Variants in ICA1 observed in about 807,000 individuals in gnomAD.
The protein encoded by ICA1 is islet cell autoantigen 1.
In ICA1, 40 loss-of-function variants were observed where a neutral mutation model predicts 71.0. That is an observed-to-expected ratio of 0.56 (90% confidence interval 0.44 to 0.73). The LOEUF (loss-of-function observed/expected upper bound fraction) is 0.73. ICA1 is among the 30% of genes least tolerant of loss of function. ICA1 has a pLI of 0.00. For synonymous variants in ICA1, 207 were observed against 209.5 expected (o/e 0.99, Z 0.10); for missense variants, 578 against 576.5 (o/e 1.00, Z -0.03).
At chr7:8,120,547 G>T (rs1479499569) in intron 13 of ICA1, among the ~76,000 whole-genome samples, 2 of 152,130 alleles carry the variant, frequency 1.3e-5, no homozygotes, top group African/African-American at 4.8e-5. Flanking sequence ...GTTGGCTGAG[G>T]CATTTTTAAC....
chr7:8,175,719 G>A (rs60380049), intron 6 of ICA1, among the ~76,000 whole-genome samples: 18,092 of 152,082 alleles, frequency 0.12, 2,218 homozygotes, highest in African/African-American at 0.31. Context: ...AAAATCAAAC[G>A]GGGATTATGG....
intron 12 of ICA1, among the ~76,000 whole-genome samples, chr7:8,129,429 C>G (rs1204590196): frequency 4.0e-5 from 6 of 151,234 alleles, no homozygotes; most frequent in Non-Finnish European, 8.8e-5. Context: ...TTCAATCACA[C>G]TTTACATAAA....
rs555255699 is a variant in ICA1 at position 8,185,635 on chromosome 7, G to A, written c.580-26983C>T. On this transcript the variant is annotated intron_variant, in intron 6 of 13. Coordinates refer to ENST00000402384, the MANE Select transcript of ICA1 (RefSeq NM_001136020.3). ...AGAACCATCTGCCTGGAGTGAAAAGGTTAAGAGCATGCTCTTTGAAGTCAG... is the reference window on the plus strand; with the variant it reads ...AGAACCATCTGCCTGGAGTGAAAAGATTAAGAGCATGCTCTTTGAAGTCAG... 3.3e-5 allele frequency among the ~76,000 whole-genome samples: 5 copies of A among 152,306 alleles called. No individual in the cohort carries two copies. The East Asian group carries it at 9.6e-4, about 29-fold the overall frequency.
rs554113320 is a variant in ICA1 at position 8,133,470 on chromosome 7, C to A, written c.1061-5328G>T. Among the ~76,000 whole-genome samples the A allele has an allele frequency of 7.9e-5, 12 of 152,212 alleles. No homozygotes were observed. The South Asian group carries it at 2.5e-3, about 32-fold the overall frequency. Reference sequence around the variant, plus strand: ...GTAGAGATAGGGTTTTACTTTGTTGCCCTCTTGGTCTCAAGTGATCCTCCT... The same window carrying A: ...GTAGAGATAGGGTTTTACTTTGTTGACCTCTTGGTCTCAAGTGATCCTCCT... On this transcript the variant is annotated intron_variant, in intron 12 of 13. Transcript: ENST00000402384.
chr7:8,146,785 A>C, intron 8 of ICA1, among the ~76,000 whole-genome samples: 1 of 143,112 alleles, frequency 7.0e-6, no homozygotes, highest in Non-Finnish European at 1.5e-5. Flanking sequence ...TGCAGCCAGG[A>C]GGAAGGAGTT....
intron 12 of ICA1, among the ~76,000 whole-genome samples, chr7:8,136,556 C>T (rs1193782419): frequency 6.6e-6 from 1 of 152,116 alleles, no homozygotes; most frequent in African/African-American, 2.4e-5. Context: ...CCGACGCTAC[C>T]CTGTGGGTTG....
In ICA1 at chr7:8,176,748, T is replaced by TACC. The variant is rs558025603; in HGVS notation, c.580-18099_580-18097dup. Among the ~76,000 whole-genome samples, 141 of 152,272 alleles carry TACC rather than the reference T, an allele frequency of 9.3e-4. 1 individual carries two copies. The highest frequency in any genetic ancestry group is 1.5e-3 in the Non-Finnish European group (104 of 68,012). On this transcript the variant is annotated intron_variant, in intron 6 of 13. Transcript: ENST00000402384. The stretch of plus-strand genomic sequence containing the variant: ...TTTCTCAGATACCATCCCTCGTCCT[T>TACC]ACCACCACCACCACCACTTACTGAT...
At position 8,223,377 on chromosome 7, in the gene ICA1, G is replaced by A. The variant is rs984554555; in HGVS notation, c.257-1979C>T. ...CTCTTTCCTAAATAAACCTAAGTAGGCTGAAACATTTAAAAATAATTTTCG... is the reference window on the plus strand; with the variant it reads ...CTCTTTCCTAAATAAACCTAAGTAGACTGAAACATTTAAAAATAATTTTCG... On this transcript the variant is annotated intron_variant, in intron 4 of 13. Coordinates refer to ENST00000402384, the MANE Select transcript of ICA1 (RefSeq NM_001136020.3). This position sits in a 1 kb window ranked among gnomAD's most constrained non-coding sequence, Gnocchi z 4.1. The A allele has an allele frequency of 6.5e-6, 1 of 154,136 alleles. No individual in the cohort carries two copies. Among genetic ancestry groups the A allele is most frequent in the Non-Finnish European group, 1.5e-5 (1 of 68,048 alleles). 9.5% of individuals were successfully genotyped at this position (154,136 alleles called of 1,614,324 possible). A position where few individuals can be genotyped will look rare whatever the true frequency, so the allele number is the denominator to read the frequency against.
intron 3 of ICA1, among the ~76,000 whole-genome samples, chr7:8,230,925 T>C (rs945818488): frequency 6.6e-6 from 1 of 152,300 alleles, no homozygotes; most frequent in South Asian, 2.1e-4. Flanking sequence ...GTATTCTATG[T>C]GTGGCTGGGG....
intron 2 of ICA1, among the ~76,000 whole-genome samples, chr7:8,233,657 A>G (rs905041199): frequency 3.3e-5 from 5 of 152,026 alleles, no homozygotes; most frequent in Admixed American, 3.3e-4. Flanking sequence ...CAGCCTCCCA[A>G]ACTGCTGGGA....
chr7:8,245,499 G>A (rs1470695716), intron 1 of ICA1, among the ~76,000 whole-genome samples: 1 of 151,956 alleles, frequency 6.6e-6, no homozygotes, highest in Non-Finnish European at 1.5e-5. Flanking sequence ...CATGGCACAT[G>A]TATACTTATG....
chr7:8,212,324 G>A (rs898398652), intron 6 of ICA1, among the ~76,000 whole-genome samples: 1 of 152,172 alleles, frequency 6.6e-6, no homozygotes, highest in Admixed American at 6.5e-5. Context: ...CAGCACTTTG[G>A]GAGGCCAAGG....
chr7:8,142,926 C>T (rs1213957000), intron 9 of ICA1, among the ~76,000 whole-genome samples: 1 of 152,186 alleles, frequency 6.6e-6, no homozygotes, highest in Non-Finnish European at 1.5e-5. Context: ...TTATCTAGTA[C>T]ATATACTCTT....
chr7:8,195,542 CAAAACAAAAACAAAAACA>C (rs58143077), intron 6 of ICA1, among the ~76,000 whole-genome samples: 9 of 149,400 alleles, frequency 6.0e-5, no homozygotes, highest in South Asian at 2.1e-4. Flanking sequence ...AACTCTATCT[CAAAACAAAAACAAAAACA>C]AAAACAAAAA....
chr7:8,127,915 G>C lies in ICA1; in HGVS notation c.1288C>G (p.Leu430Val). ...AAGTCTTTCATATTTTGGTCTAAAA[G>C]CTGCGAAGGAAGGAAACCTGAGCCT... ...QTGSGFLPSQ[L>V]LDQNMKDLQA... Residue 430 changes from leucine (L) to valine (V), a missense_variant, in exon 13 of 14, where the codon CTT becomes GTT. Transcript: ENST00000402384. 2 of 1,614,186 alleles carry C rather than the reference G, an allele frequency of 1.2e-6. No homozygotes were observed. Among genetic ancestry groups the C allele is most frequent in the South Asian group, 1.1e-5 (1 of 91,080 alleles).
At chr7:8,201,350 C>G (rs3823829) in intron 6 of ICA1, among the ~76,000 whole-genome samples, 74,316 of 152,102 alleles carry the variant, frequency 0.49, 22,040 homozygotes, top group South Asian at 0.75. Flanking sequence ...TCCTACACTT[C>G]GTATTATGGT....
chr7:8,225,490 C>G (rs1156785867), intron 4 of ICA1, among the ~76,000 whole-genome samples: 1 of 152,112 alleles, frequency 6.6e-6, no homozygotes, highest in Non-Finnish European at 1.5e-5. Context: ...TTTTCCCTGC[C>G]CCAATCCTAG....
chr7:8,247,542 G>GT (rs1806518903), intron 1 of ICA1, among the ~76,000 whole-genome samples: 1 of 152,206 alleles, frequency 6.6e-6, no homozygotes, highest in South Asian at 2.1e-4. Context: ...ATGCATAGTA[G>GT]TTTTTTCCTA....
At chr7:8,124,166 G>A (rs1788144443) in intron 13 of ICA1, among the ~76,000 whole-genome samples, 1 of 142,376 alleles carries the variant, frequency 7.0e-6, no homozygotes, top group African/African-American at 2.7e-5. Flanking sequence ...TGTCGCCCAG[G>A]CTGGAGTGCA....
Sources: gnomAD v4.1 joint callset for allele counts (sites outside exome capture counted in the v4.1 genomes callset) on GRCh38, gnomAD v4.1.1 for gene constraint, Gnocchi (gnomAD v3.1) non-coding constraint, MANE v1.5 for transcripts, NCBI Gene and HGNC (gene_info 2026-07-23, HGNC 2026-07-21) for gene names.